The following TBC1D22A variants were observed in gnomAD, a reference collection of about 807,000 sequenced individuals.
TBC1D22A encodes putative GTPase activator.
A neutral mutation model predicts 60.2 loss-of-function variants in TBC1D22A; 38 were observed. That is an observed-to-expected ratio of 0.63 (90% CI 0.49 to 0.83). The LOEUF (loss-of-function observed/expected upper bound fraction) is 0.83, where lower values mean the gene tolerates loss of function less well. Ranked by LOEUF, TBC1D22A falls within the 40% of genes least tolerant of loss-of-function variation. The pLI is 0.00. For missense variants in TBC1D22A, 628 were observed against 701.0 expected, an observed-to-expected ratio of 0.90 and a Z score of 1.18; for synonymous variants, 302 against 281.7, an observed-to-expected ratio of 1.07 and a Z score of -0.72.
At chr22:47,102,050 T>C (rs1395184707) in intron 11 of TBC1D22A, among the ~76,000 whole-genome samples, 4 of 152,160 alleles carry the variant, frequency 2.6e-5, no homozygotes, top group South Asian at 4.1e-4. Flanking sequence ...AAGACCTTTG[T>C]TTCAGGGTAG....
intron 8 of TBC1D22A, among the ~76,000 whole-genome samples, chr22:46,964,470 A>T (rs748871904): frequency 6.6e-6 from 1 of 151,956 alleles, no homozygotes. Flanking sequence ...TCAGTGGATC[A>T]TGTTTCTTTT....
chr22:47,134,119 C>T (rs1051732200), intron 12 of TBC1D22A, among the ~76,000 whole-genome samples: 1 of 152,204 alleles, frequency 6.6e-6, no homozygotes, highest in African/African-American at 2.4e-5. Flanking sequence ...TTGCACGTTT[C>T]TGCCTGTGAA....
chr22:47,172,068 TCCCAGTGAGCCTACCCAGCA>T (rs2068500143), intron 12 of TBC1D22A, among the ~76,000 whole-genome samples: 3 of 114,998 alleles, frequency 2.6e-5, no homozygotes, highest in East Asian at 1.4e-3. Context: ...TACCCAGCAC[TCCCAGTGAGCCTACCCAGCA>T]CTCCCAGTGA....
chr22:46,775,096 C>G (rs760272158), intron 1 of TBC1D22A, among the ~76,000 whole-genome samples: 16 of 152,254 alleles, frequency 1.1e-4, no homozygotes, highest in Non-Finnish European at 2.2e-4. Context: ...TGATCCTTGG[C>G]TGAAAGCCAT....
rs2083143413 is a variant in TBC1D22A at position 46,762,781 on chromosome 22, G to A, written c.-6G>A. The A allele has an allele frequency of 1.4e-6, 2 of 1,443,910 alleles. No homozygotes were observed. The highest frequency in any genetic ancestry group is 1.8e-6 in the Non-Finnish European group (2 of 1,105,300). 89.4% of individuals were successfully genotyped at this position (1,443,910 alleles called of 1,614,324 possible). ...GGGCCGCGGGTCTGAGGGATGAGGA[G>A]GGGCCATGGCCAGCGACGGGGCCAG... is the stretch of plus-strand genomic sequence containing the variant. On this transcript the variant is annotated 5_prime_UTR_variant, in exon 1 of 13. Coordinates refer to ENST00000337137, the MANE Select transcript of TBC1D22A (RefSeq NM_014346.5).
In TBC1D22A at chr22:46,821,464, C is replaced by G. The variant is rs572671873; in HGVS notation, c.637+23844C>G. Among the ~76,000 whole-genome samples the G allele has an allele frequency of 3.7e-4, 56 of 152,236 alleles. 1 individual carries two copies. Among genetic ancestry groups the G allele is most frequent in the South Asian group, 2.9e-3 (14 of 4,828 alleles). On this transcript the variant is annotated intron_variant, in intron 4 of 12. Transcript: ENST00000337137. ...ATCTGGTGGTAACAAAATCCCTCAG[C>G]ATTTGCTTGTGTGGAAAGGATTTTA... is the stretch of plus-strand genomic sequence containing the variant.
chr22:47,154,199 G>T (rs1433346494), intron 12 of TBC1D22A, among the ~76,000 whole-genome samples: 1 of 152,088 alleles, frequency 6.6e-6, no homozygotes, highest in African/African-American at 2.4e-5. Context: ...GAGCAGGGCG[G>T]TCCTGTGTGC....
intron 10 of TBC1D22A, among the ~76,000 whole-genome samples, chr22:46,999,192 CTG>C (rs1214918069): frequency 2.0e-5 from 3 of 152,208 alleles, no homozygotes; most frequent in Admixed American, 6.5e-5. Flanking sequence ...TTCTCTGGTG[CTG>C]TGGTTCAGAA....
At chr22:46,764,278 G>C (rs1282631819) in intron 1 of TBC1D22A, 1 of 152,274 alleles carries the variant, frequency 6.6e-6, no homozygotes, top group East Asian at 1.9e-4. Flanking sequence ...ACCAGTGTCA[G>C]GGTCCAAGGT....
chr22:46,867,263 A>G (rs183829545), intron 4 of TBC1D22A, among the ~76,000 whole-genome samples: 1 of 152,238 alleles, frequency 6.6e-6, no homozygotes, highest in Non-Finnish European at 1.5e-5. Flanking sequence ...GATGCTGTAT[A>G]TGCTGCTGCC....
At chr22:47,015,451 G>A (rs1246657742) in intron 10 of TBC1D22A, among the ~76,000 whole-genome samples, 25 of 152,196 alleles carry the variant, frequency 1.6e-4, no homozygotes, top group Admixed American at 1.6e-3. Flanking sequence ...TTTACACTTG[G>A]CGCCTCCCTT....
chr22:46,830,417 C>T (rs1029710620), intron 4 of TBC1D22A, among the ~76,000 whole-genome samples: 5 of 152,346 alleles, frequency 3.3e-5, no homozygotes, highest in African/African-American at 9.6e-5. Flanking sequence ...GGCTAGAAAT[C>T]GCAGGGCGTC....
At chr22:46,929,906 C>T (rs2071259150) in intron 8 of TBC1D22A, among the ~76,000 whole-genome samples, 1 of 152,142 alleles carries the variant, frequency 6.6e-6, no homozygotes, top group African/African-American at 2.4e-5. Flanking sequence ...GAACTCTGCT[C>T]CTCAGCCCCT....
At chr22:46,865,940 GA>G (rs1339988557) in intron 4 of TBC1D22A, among the ~76,000 whole-genome samples, 1 of 152,198 alleles carries the variant, frequency 6.6e-6, no homozygotes, top group Non-Finnish European at 1.5e-5. Flanking sequence ...TGGTGTAAGT[GA>G]AACATCTTAC....
intron 10 of TBC1D22A, among the ~76,000 whole-genome samples, chr22:47,016,815 C>A (rs569005223): frequency 6.6e-6 from 1 of 152,228 alleles, no homozygotes; most frequent in Non-Finnish European, 1.5e-5. Context: ...GGGTGGCATG[C>A]GGAGGGGGCT....
chr22:47,131,358 A>G (rs1433561377), intron 12 of TBC1D22A, among the ~76,000 whole-genome samples: 1 of 152,228 alleles, frequency 6.6e-6, no homozygotes, highest in African/African-American at 2.4e-5. Context: ...AGAAATGCAG[A>G]AATGGTGAAC....
chr22:46,980,096 A>G (rs1458416078), intron 9 of TBC1D22A, among the ~76,000 whole-genome samples: 1 of 152,228 alleles, frequency 6.6e-6, no homozygotes, highest in Non-Finnish European at 1.5e-5. Context: ...AGCGATTTGA[A>G]AGGAACCAGA....
chr22:47,111,445 C>T (rs2065841915), intron 11 of TBC1D22A, 63 bp from the exon 12 acceptor site: 10 of 1,464,076 alleles, frequency 6.8e-6, no homozygotes, highest in Non-Finnish European at 7.6e-6. Context: ...CGCAGATAAC[C>T]TCGCAGTGAT....
At chr22:47,156,782 C>T (rs1461027805) in intron 12 of TBC1D22A, among the ~76,000 whole-genome samples, 1 of 152,218 alleles carries the variant, frequency 6.6e-6, no homozygotes, top group African/African-American at 2.4e-5. Context: ...TCCGGCAGCC[C>T]TCCCCTTCTC....
Sources: gnomAD v4.1 joint callset for allele counts (sites outside exome capture counted in the v4.1 genomes callset) on GRCh38, gnomAD v4.1.1 for gene constraint, MANE v1.5 for transcripts, NCBI Gene and HGNC (gene_info 2026-07-23, HGNC 2026-07-21) for gene names.